Variants in CAMK2D observed in about 807,000 individuals in gnomAD.
The protein encoded by CAMK2D is calcium/calmodulin-dependent protein kinase type II subunit delta.
In CAMK2D, 37 loss-of-function variants were observed where a neutral mutation model predicts 84.0. The observed-to-expected ratio is 0.44, with a 90% confidence interval of 0.34 to 0.58. The LOEUF is 0.58. CAMK2D is among the 20% of genes least tolerant of loss of function. The pLI, the probability that CAMK2D is intolerant of heterozygous loss-of-function variation, is 0.02. For missense variants in CAMK2D, 448 were observed against 652.5 expected (o/e 0.69, Z 3.41); for synonymous variants, 202 against 212.5 (o/e 0.95, Z 0.43).
At position 113,733,551 on chromosome 4, in the gene CAMK2D, A is replaced by G. The variant is rs79022148; in HGVS notation, c.160+25769T>C. 7.4e-3 allele frequency among the ~76,000 whole-genome samples: 1,134 copies of G among 152,312 alleles called. 15 individuals are homozygous for G. The highest frequency in any genetic ancestry group is 0.025 in the African/African-American group (1,058 of 41,568). On this transcript the variant is annotated intron_variant, in intron 2 of 20. Transcript: ENST00000511664. ...CTCAAACAAAGGGAAAAGTCAAGTTATCAGGTATAAGTATGGCTCCAAATT... is the reference window on the plus strand; with the variant it reads ...CTCAAACAAAGGGAAAAGTCAAGTTGTCAGGTATAAGTATGGCTCCAAATT...
intron 2 of CAMK2D, among the ~76,000 whole-genome samples, chr4:113,748,650 C>T (rs1426860698): frequency 6.6e-6 from 1 of 151,862 alleles, no homozygotes; most frequent in Admixed American, 6.6e-5. Flanking sequence ...ATTTGCAGTA[C>T]ATAGGGAAGT....
chr4:113,730,638 C>T lies in CAMK2D; in HGVS notation c.160+28682G>A, dbSNP rs535420266. Among the ~76,000 whole-genome samples the T allele has an allele frequency of 1.6e-4, 24 of 152,304 alleles. No individual in the cohort carries two copies. In the South Asian group the frequency reaches 5.0e-3, roughly 32 times the overall value. ...CACATAGCCAAGCCTATGACTGAGA[C>T]ATTTTCCACCATACAAAACTTTTTT... On this transcript the variant is annotated intron_variant, in intron 2 of 20. Coordinates refer to ENST00000511664, the MANE Select transcript of CAMK2D (RefSeq NM_001321571.2).
In CAMK2D at chr4:113,452,227, C is replaced by T. The variant is rs1285019188; in HGVS notation, c.*2318G>A. 6.6e-6 allele frequency: 1 copy of T among 151,022 alleles called. No individual in the cohort carries two copies. Among genetic ancestry groups the T allele is most frequent in the African/African-American group, 2.4e-5 (1 of 41,102 alleles). The allele number at this position is 151,022 out of a possible 1,614,324, so 9.4% of individuals were successfully genotyped here. ...AGTCTTAGTTGTTAACTATATTGTTCTCAGCAACATTTTCCCAGAAGAGAC... is the reference window on the plus strand; with the variant it reads ...AGTCTTAGTTGTTAACTATATTGTTTTCAGCAACATTTTCCCAGAAGAGAC... On this transcript the variant is annotated 3_prime_UTR_variant, in exon 21 of 21. Coordinates refer to ENST00000511664, the MANE Select transcript of CAMK2D (RefSeq NM_001321571.2).
chr4:113,757,106 C>T (rs1444568187), intron 2 of CAMK2D, among the ~76,000 whole-genome samples: 1 of 152,000 alleles, frequency 6.6e-6, no homozygotes, highest in Non-Finnish European at 1.5e-5. Context: ...AACCTGATAT[C>T]CAGAAAAGGA....
chr4:113,716,649 CAAAAAA>C (rs397750449), intron 2 of CAMK2D, among the ~76,000 whole-genome samples: 4 of 76,174 alleles, frequency 5.3e-5, no homozygotes, highest in East Asian at 4.1e-4. Flanking sequence ...AGACTCCATC[CAAAAAA>C]AAAAAAAAAA....
At position 113,547,680 on chromosome 4, in the gene CAMK2D, G is replaced by A; in HGVS notation, c.378C>T (p.His126=). 6.4e-7 allele frequency: 1 copy of A among 1,569,668 alleles called. No homozygotes were observed. Among genetic ancestry groups the A allele is most frequent in the African/African-American group, 1.3e-5 (1 of 74,532 alleles). The change falls in exon 6 of 21, where the codon CAC becomes CAT. Residue 126 remains histidine, a synonymous_variant. Coordinates refer to ENST00000511664, the MANE Select transcript of CAMK2D (RefSeq NM_001321571.2). ...GATGGACCACGCCCATCTGATGGCA[G>A]TGTAGCACAGCCTCCAGGATCTGCT... is the stretch of plus-strand genomic sequence containing the variant. ...CIQQILEAVL[H]CHQMGVVHRD...
chr4:113,693,658 C>T (rs1282493977), intron 2 of CAMK2D, among the ~76,000 whole-genome samples: 3 of 152,186 alleles, frequency 2.0e-5, no homozygotes, highest in East Asian at 1.9e-4. Context: ...TGGAAATTTT[C>T]GCTCAGGACC....
At chr4:113,595,891 A>G (rs1292649797) in intron 4 of CAMK2D, among the ~76,000 whole-genome samples, 1 of 152,158 alleles carries the variant, frequency 6.6e-6, no homozygotes. Flanking sequence ...TGGCTGTCGT[A>G]GGTTCTTAAA....
At chr4:113,577,399 GT>G (rs2098788484) in intron 4 of CAMK2D, among the ~76,000 whole-genome samples, 1 of 152,094 alleles carries the variant, frequency 6.6e-6, no homozygotes, top group Admixed American at 6.5e-5. Context: ...TTACCCTTAT[GT>G]TGAATTAGCT....
intron 3 of CAMK2D, among the ~76,000 whole-genome samples, chr4:113,638,422 T>C (rs561022125): frequency 6.6e-6 from 1 of 152,240 alleles, no homozygotes; most frequent in South Asian, 2.1e-4. Flanking sequence ...GAAAGTATAT[T>C]ATTTTCTTTT....
In CAMK2D at chr4:113,587,652, A is replaced by C. The variant is rs553556445; in HGVS notation, c.275+21500T>G. 6.6e-5 allele frequency among the ~76,000 whole-genome samples: 10 copies of C among 152,306 alleles called. No homozygotes were observed. In the South Asian group the frequency reaches 1.7e-3, roughly 25 times the overall value. ...ATTGAAACACAAAGTTACAGAAACAATGCTTTAAATCTAAGTGTATATGGA... is the reference window on the plus strand; with the variant it reads ...ATTGAAACACAAAGTTACAGAAACACTGCTTTAAATCTAAGTGTATATGGA... On this transcript the variant is annotated intron_variant, in intron 4 of 20. Transcript: ENST00000511664.
intron 8 of CAMK2D, among the ~76,000 whole-genome samples, chr4:113,519,905 T>C (rs1244499296): frequency 6.6e-6 from 1 of 152,158 alleles, no homozygotes; most frequent in Non-Finnish European, 1.5e-5. Flanking sequence ...ACAGACATAA[T>C]GATGCTCTAA....
At chr4:113,619,271 C>T (rs890834927) in intron 3 of CAMK2D, among the ~76,000 whole-genome samples, 1 of 152,136 alleles carries the variant, frequency 6.6e-6, no homozygotes, top group Non-Finnish European at 1.5e-5. Context: ...TCTACTGTTA[C>T]AAGCCTGATC....
intron 4 of CAMK2D, among the ~76,000 whole-genome samples, chr4:113,577,069 A>G (rs2098786496): frequency 6.6e-6 from 1 of 151,994 alleles, no homozygotes; most frequent in Non-Finnish European, 1.5e-5. Context: ...GTTTTTTGTT[A>G]GTTCTCCTTC....
At chr4:113,548,494 GC>G (rs1402071999) in intron 5 of CAMK2D, among the ~76,000 whole-genome samples, 3 of 152,110 alleles carry the variant, frequency 2.0e-5, no homozygotes, top group Non-Finnish European at 4.4e-5. Flanking sequence ...CTGTAGATGA[GC>G]AAACTGGAAG....
chr4:113,720,294 A>G (rs1010954721), intron 2 of CAMK2D, among the ~76,000 whole-genome samples: 19 of 151,858 alleles, frequency 1.3e-4, no homozygotes, highest in Non-Finnish European at 2.8e-4. Context: ...TGCATTTTTA[A>G]AAGTACTCAA....
intron 16 of CAMK2D, among the ~76,000 whole-genome samples, chr4:113,487,549 T>G (rs566776412): frequency 3.9e-4 from 59 of 152,150 alleles, no homozygotes; most frequent in South Asian, 8.3e-4. Context: ...GCTCAAATAT[T>G]AATTTAATTT....
chr4:113,549,101 G>T (rs1314317589), intron 5 of CAMK2D, among the ~76,000 whole-genome samples: 1 of 152,030 alleles, frequency 6.6e-6, no homozygotes, highest in Non-Finnish European at 1.5e-5. Flanking sequence ...AAATTTCCAG[G>T]TATTTCTTAT....
Position 113,458,756 on chromosome 4 carries a change from G to A in CAMK2D, c.1307-1193C>T, listed in dbSNP as rs115359716. On this transcript the variant is annotated intron_variant, in intron 18 of 20. Transcript: ENST00000511664. ...TAACTCATCCAACACATCTTAATTC[G>A]AAAATCCATGCCAAGGCAGACATTC... Among the ~76,000 whole-genome samples the A allele has an allele frequency of 7.1e-3, 1,087 of 152,208 alleles. 22 individuals carry two copies. Among genetic ancestry groups the A allele is most frequent in the African/African-American group, 0.025 (1,042 of 41,538 alleles).
Sources: allele counts gnomAD v4.1 joint callset (sites outside exome capture counted in the v4.1 genomes callset), GRCh38; gene constraint gnomAD v4.1.1; transcripts MANE v1.5; gene names NCBI Gene and HGNC (gene_info 2026-07-23, HGNC 2026-07-21).